The following ZMYM2 variants were observed in gnomAD, a reference collection of about 807,000 sequenced individuals.
ZMYM2 encodes the protein zinc finger MYM-type protein 2.
Under a neutral mutation model 162.8 loss-of-function variants are expected in ZMYM2, and 56 were observed. The observed-to-expected ratio is 0.34, with a 90% CI of 0.28 to 0.43. ZMYM2 has a LOEUF of 0.43. Among genes scored for constraint, ZMYM2 ranks in the 20% least tolerant of loss-of-function variants. The pLI, the probability that ZMYM2 is intolerant of heterozygous loss-of-function variation, is 1.00. For synonymous variants in ZMYM2, 510 were observed against 541.6 expected, an observed-to-expected ratio of 0.94 and a Z score of 0.81; for missense variants, 1,275 against 1,621.8, an observed-to-expected ratio of 0.79 and a Z score of 3.67.
chr13:20,009,607 C>T (rs1951014898), intron 6 of ZMYM2, among the ~76,000 whole-genome samples: 1 of 152,106 alleles, frequency 6.6e-6, no homozygotes, highest in South Asian at 2.1e-4. Context: ...TACTTTCTGT[C>T]TCTATGAATT....
At chr13:19,872,914 A>G in the ZMYM2 span, among the ~76,000 whole-genome samples, 7 of 151,320 alleles carry the variant, frequency 4.6e-5, no homozygotes, top group Non-Finnish European at 1.0e-4. Flanking sequence ...CATAAGAATC[A>G]CTTGAACCCA....
chr13:19,922,910 T>C, the ZMYM2 span, among the ~76,000 whole-genome samples: 4 of 151,460 alleles, frequency 2.6e-5, no homozygotes, highest in Non-Finnish European at 4.4e-5. Context: ...TAATCCTAGT[T>C]ACTCGGGAGG....
chr13:19,942,948 C>T, the ZMYM2 span, among the ~76,000 whole-genome samples: 8 of 152,020 alleles, frequency 5.3e-5, no homozygotes, highest in Admixed American at 1.3e-4. Context: ...AAATTAGGTT[C>T]GTAGGGCTGC....
the ZMYM2 span, among the ~76,000 whole-genome samples, chr13:19,949,218 T>C: frequency 3.9e-5 from 6 of 152,044 alleles, no homozygotes; most frequent in Non-Finnish European, 5.9e-5. Context: ...GAGACCAGCC[T>C]GGTCAACATG....
intron 2 of ZMYM2, among the ~76,000 whole-genome samples, chr13:19,982,453 A>T (rs548002174): frequency 6.6e-6 from 1 of 151,650 alleles, no homozygotes; most frequent in South Asian, 2.1e-4. Flanking sequence ...ATGCCTGGCT[A>T]ATTCTTGTAT....
chr13:19,896,024 T>G, the ZMYM2 span, among the ~76,000 whole-genome samples: 5 of 99,812 alleles, frequency 5.0e-5, no homozygotes, highest in Admixed American at 7.1e-4. Flanking sequence ...GGAAAAATAT[T>G]CTGATTCCAT....
chr13:19,953,877 A>G (rs1954470368), upstream of ZMYM2, among the ~76,000 whole-genome samples: 1 of 151,782 alleles, frequency 6.6e-6, no homozygotes, highest in Non-Finnish European at 1.5e-5. Context: ...ACTATTATTT[A>G]TTTATTTAAA....
chr13:20,064,261 G>A (rs936002762), intron 18 of ZMYM2, among the ~76,000 whole-genome samples, 190 bp from the exon 19 acceptor site: 1 of 151,878 alleles, frequency 6.6e-6, no homozygotes. Flanking sequence ...TATGTTTTTA[G>A]GAGTTTGAAC....
intron 2 of ZMYM2, among the ~76,000 whole-genome samples, chr13:19,963,128 C>G (rs1401090292): frequency 1.3e-5 from 2 of 152,166 alleles, no homozygotes; most frequent in South Asian, 4.1e-4. Context: ...CGTGAGCCAC[C>G]GTGCCGGCCT....
chr13:19,963,895 T>C lies in ZMYM2; in HGVS notation c.-11+3869T>C, dbSNP rs1955506142. On this transcript the variant is annotated intron_variant, in intron 2 of 24. Transcript: ENST00000610343. ...CAAAATCACTTGATTAGTATGACTT[T>C]GGGATTTGTTCTTAGTCCTGTTTTA... Among the ~76,000 whole-genome samples, 5 of 152,354 alleles carry C rather than the reference T, an allele frequency of 3.3e-5. No homozygotes were observed. In the South Asian group the frequency reaches 1.0e-3, roughly 32 times the overall value.
chr13:20,069,802 A>G (rs1382634533), intron 21 of ZMYM2, among the ~76,000 whole-genome samples: 6 of 151,864 alleles, frequency 4.0e-5, no homozygotes, highest in African/African-American at 1.2e-4. Context: ...TTATATTTAT[A>G]AAGAACATTG....
the ZMYM2 span, among the ~76,000 whole-genome samples, chr13:19,902,831 T>C: frequency 7.9e-3 from 1,200 of 151,610 alleles, 2 homozygotes; most frequent in Non-Finnish European, 0.014. Context: ...TGGACAACAA[T>C]AGGGAGACAT....
At position 20,083,175 on chromosome 13, in the gene ZMYM2, C is replaced by T; in HGVS notation, c.3820+143C>T. 4 of 772,804 alleles carry T rather than the reference C, an allele frequency of 5.2e-6. 1 individual carries two copies. The highest frequency in any genetic ancestry group is 8.0e-6 in the Non-Finnish European group (4 of 497,910). The allele number at this position is 772,804 out of a possible 1,614,324, so 47.9% of individuals were successfully genotyped here. A position where few individuals can be genotyped will look rare whatever the true frequency, so the allele number is the denominator to read the frequency against. On this transcript the variant is annotated intron_variant, in intron 23 of 24. Transcript: ENST00000610343. ...CCTCCTGGGTTCAAGCAATTCTCCT[C>T]CCTCAGCCTCCTGAGTGGCTGGGAT...
At chr13:19,970,680 A>G (rs1435482334) in intron 2 of ZMYM2, among the ~76,000 whole-genome samples, 1 of 151,060 alleles carries the variant, frequency 6.6e-6, no homozygotes, top group Non-Finnish European at 1.5e-5. Context: ...GTAAATATTT[A>G]TTGGCCAGGC....
chr13:20,086,573 T>G lies in ZMYM2; in HGVS notation c.*559T>G, dbSNP rs1233881878. ...AGCCTTACAAGGTTATGTAGAGAGA[T>G]ACCATCTTCTGTACCAAAAATAGAC... On this transcript the variant is annotated 3_prime_UTR_variant, in exon 25 of 25. Transcript: ENST00000610343. The G allele has an allele frequency of 1.5e-5, 3 of 205,824 alleles. No homozygotes were observed. Among genetic ancestry groups the G allele is most frequent in the Non-Finnish European group, 3.0e-5 (3 of 100,372 alleles). The allele number at this position is 205,824 out of a possible 1,614,324, so 12.7% of individuals were successfully genotyped here.
In ZMYM2 at chr13:20,031,407, G is replaced by C. The variant is rs1262031155; in HGVS notation, c.1940G>C (p.Cys647Ser). The C allele has an allele frequency of 1.6e-5, 26 of 1,605,122 alleles. No individual in the cohort carries two copies. Among genetic ancestry groups the C allele is most frequent in the Non-Finnish European group, 2.0e-5 (24 of 1,177,002 alleles). ...TGCAACTACTGCAAAAATTCCTTTT[G>C]TTCAAAACCAGAAATCCTGGAATGG... ...LKCNYCKNSF[C>S]SKPEILEWEN... is the part of the protein sequence containing the mutation. The change falls in exon 10 of 25, where the codon TGT becomes TCT. Residue 647 changes from cysteine to serine, a missense_variant. Coordinates refer to ENST00000610343, the MANE Select transcript of ZMYM2 (RefSeq NM_197968.4).
chr13:20,008,719 A>G (rs1019700031), intron 6 of ZMYM2, among the ~76,000 whole-genome samples: 3 of 152,218 alleles, frequency 2.0e-5, no homozygotes, highest in African/African-American at 4.8e-5. Flanking sequence ...TTTATAAGTA[A>G]GATTGGTCTG....
At chr13:19,866,413 C>T in the ZMYM2 span, among the ~76,000 whole-genome samples, 1 of 152,110 alleles carries the variant, frequency 6.6e-6, no homozygotes, top group South Asian at 2.1e-4. Context: ...CACTTGTAAT[C>T]CCAGCACTTT....
chr13:20,003,279 A>G, intron 4 of ZMYM2, 144 bp downstream of exon 4: 1 of 956,556 alleles, frequency 1.0e-6, no homozygotes. Context: ...TCCTGTTTGG[A>G]TGGCATTGGA....
Sources: allele counts gnomAD v4.1 joint callset (sites outside exome capture counted in the v4.1 genomes callset), GRCh38; gene constraint gnomAD v4.1.1; transcripts MANE v1.5; gene names NCBI Gene and HGNC (gene_info 2026-07-23, HGNC 2026-07-21).